UNC5D: variants seen among roughly 807,000 people sequenced by gnomAD.
UNC5D encodes the protein unc-5 netrin receptor D.
Under a neutral mutation model 105.4 loss-of-function variants are expected in UNC5D, and 39 were observed. The observed-to-expected ratio is 0.37, with a 90% confidence interval of 0.29 to 0.48. The LOEUF (loss-of-function observed/expected upper bound fraction) is 0.48. Ranked by LOEUF, UNC5D falls within the 20% of genes least tolerant of loss-of-function variation. The pLI is 0.98. For missense variants in UNC5D, 991 were observed against 1,202.4 expected, an observed-to-expected ratio of 0.82 and a Z score of 2.60; for synonymous variants, 452 against 450.4, an observed-to-expected ratio of 1.00 and a Z score of -0.04.
chr8:35,262,949 A>G (rs1804589142), intron 1 of UNC5D, among the ~76,000 whole-genome samples: 1 of 152,158 alleles, frequency 6.6e-6, no homozygotes, highest in South Asian at 2.1e-4. Context: ...CCAAAAAGCA[A>G]CAGTAGTTCC....
chr8:35,279,998 T>G (rs1045029325), intron 1 of UNC5D, among the ~76,000 whole-genome samples: 1 of 152,160 alleles, frequency 6.6e-6, no homozygotes, highest in Non-Finnish European at 1.5e-5. Flanking sequence ...ACTTTCTTTC[T>G]TTCTTTCTTT....
intron 15 of UNC5D, 21 bp from the exon 16 acceptor site, chr8:35,774,278 C>T (rs369100742): frequency 1.1e-5 from 18 of 1,613,238 alleles, no homozygotes; most frequent in African/African-American, 1.1e-4. Flanking sequence ...TCTGATCATG[C>T]GTTCCTTATT....
In UNC5D at chr8:35,794,981, C is replaced by G. The variant is rs570006854; in HGVS notation, c.*4418C>G. The G allele has an allele frequency of 6.6e-6, 1 of 152,294 alleles. No homozygotes were observed. The highest frequency in any genetic ancestry group is 2.1e-4 in the South Asian group (1 of 4,828). 9.4% of individuals were successfully genotyped at this position (152,294 alleles called of 1,614,324 possible). A position where few individuals can be genotyped will look rare whatever the true frequency, so the allele number is the denominator to read the frequency against. ...AATTGTGGTTTTTGAAGCAGCTACTCATTGCTTTTTCCTTTTGCTGTGAAG... is the reference window on the plus strand; with the variant it reads ...AATTGTGGTTTTTGAAGCAGCTACTGATTGCTTTTTCCTTTTGCTGTGAAG... On this transcript the variant is annotated 3_prime_UTR_variant, in exon 17 of 17. Transcript: ENST00000404895.
chr8:35,327,095 T>C (rs1227672512), intron 1 of UNC5D, among the ~76,000 whole-genome samples: 1 of 152,108 alleles, frequency 6.6e-6, no homozygotes, highest in Non-Finnish European at 1.5e-5. Flanking sequence ...GCACCGAGGG[T>C]ACATTGCCTT....
At chr8:35,630,052 C>T (rs544899269) in intron 4 of UNC5D, among the ~76,000 whole-genome samples, 165 of 152,206 alleles carry the variant, frequency 1.1e-3, no homozygotes, top group African/African-American at 3.6e-3. Context: ...TTGATATTTA[C>T]GCATGGAAAA....
At chr8:35,782,186 G>C (rs537118838) in intron 16 of UNC5D, among the ~76,000 whole-genome samples, 87 of 152,296 alleles carry the variant, frequency 5.7e-4, no homozygotes, top group African/African-American at 1.9e-3. Flanking sequence ...TGAAATTCAA[G>C]TTTGGGGATG....
chr8:35,750,546 T>G, intron 12 of UNC5D, 36 bp from the exon 13 acceptor site: 2 of 1,598,550 alleles, frequency 1.3e-6, no homozygotes, highest in Non-Finnish European at 1.7e-6. Flanking sequence ...CACATCTTAT[T>G]TCCAAGTGAG....
chr8:35,241,286 G>A (rs1319616225), intron 1 of UNC5D, among the ~76,000 whole-genome samples: 5 of 152,216 alleles, frequency 3.3e-5, no homozygotes, highest in Admixed American at 6.5e-5. Context: ...CACGCTGTGC[G>A]TAGATAATTT....
intron 1 of UNC5D, among the ~76,000 whole-genome samples, chr8:35,371,931 G>A (rs758207222): frequency 1.1e-4 from 16 of 152,246 alleles, no homozygotes; most frequent in East Asian, 3.9e-4. Flanking sequence ...GCAATGAACC[G>A]TTGTCTAATT....
At chr8:35,370,718 GT>G (rs1316111250) in intron 1 of UNC5D, among the ~76,000 whole-genome samples, 1 of 152,124 alleles carries the variant, frequency 6.6e-6, no homozygotes, top group Non-Finnish European at 1.5e-5. Context: ...TATTCTGTTT[GT>G]TGGTATGGAG....
At chr8:35,767,715 A>G (rs1801835872) in intron 15 of UNC5D, among the ~76,000 whole-genome samples, 1 of 152,246 alleles carries the variant, frequency 6.6e-6, no homozygotes, top group African/African-American at 2.4e-5. Context: ...GTCCAGGTCA[A>G]ATCAGTATTG....
intron 1 of UNC5D, among the ~76,000 whole-genome samples, chr8:35,367,100 T>C (rs1802161371): frequency 6.6e-6 from 1 of 152,210 alleles, no homozygotes; most frequent in South Asian, 2.1e-4. Context: ...ACCTCTCATA[T>C]GCTGCTGTTC....
At chr8:35,447,048 G>A (rs1807843308) in intron 1 of UNC5D, among the ~76,000 whole-genome samples, 1 of 152,000 alleles carries the variant, frequency 6.6e-6, no homozygotes, top group Admixed American at 6.6e-5. Flanking sequence ...TCAGAGCTAA[G>A]AGTGAGCATT....
chr8:35,589,392 TGTGGAGCTCTCATC>T (rs1182585336), intron 3 of UNC5D, among the ~76,000 whole-genome samples: 1 of 151,382 alleles, frequency 6.6e-6, no homozygotes, highest in African/African-American at 2.4e-5. Flanking sequence ...TCCATTTTTC[TGTGGAGCTCTCATC>T]TTTTTTTTTT....
intron 1 of UNC5D, among the ~76,000 whole-genome samples, chr8:35,490,990 T>G (rs1440761121): frequency 6.6e-6 from 1 of 152,144 alleles, no homozygotes; most frequent in Non-Finnish European, 1.5e-5. Context: ...TCTTCTTCAC[T>G]GTGTACTTAA....
rs939968696 is a variant in UNC5D at position 35,792,704 on chromosome 8, T to C, written c.*2141T>C. The C allele has an allele frequency of 8.2e-6, 2 of 243,688 alleles. No homozygotes were observed. Among genetic ancestry groups the C allele is most frequent in the Admixed American group, 5.5e-5 (1 of 18,288 alleles). 15.1% of individuals were successfully genotyped at this position (243,688 alleles called of 1,614,324 possible). On this transcript the variant is annotated 3_prime_UTR_variant, in exon 17 of 17. Transcript: ENST00000404895. ...GTAAAAACTTGTAGAAAGCACATTATAGAGCTTATGTTGGAATCCATCTTG... is the reference window on the plus strand; with the variant it reads ...GTAAAAACTTGTAGAAAGCACATTACAGAGCTTATGTTGGAATCCATCTTG...
chr8:35,266,527 A>C (rs1462824026), intron 1 of UNC5D, among the ~76,000 whole-genome samples: 1 of 152,210 alleles, frequency 6.6e-6, no homozygotes, highest in Non-Finnish European at 1.5e-5. Flanking sequence ...TGTGAAGTAC[A>C]TAAAGGTCTA....
chr8:35,362,893 A>T (rs1801928473), intron 1 of UNC5D, among the ~76,000 whole-genome samples: 2 of 152,176 alleles, frequency 1.3e-5, no homozygotes, highest in South Asian at 4.1e-4. Context: ...AACCTTAATT[A>T]TAAAAATAGG....
chr8:35,416,767 A>C (rs1328107366), intron 1 of UNC5D, among the ~76,000 whole-genome samples: 1 of 152,160 alleles, frequency 6.6e-6, no homozygotes, highest in African/African-American at 2.4e-5. Flanking sequence ...ACAATTTTGC[A>C]TCAGTTGCAG....
Sources: gnomAD v4.1 joint callset for allele counts (sites outside exome capture counted in the v4.1 genomes callset) on GRCh38, gnomAD v4.1.1 for gene constraint, MANE v1.5 for transcripts, NCBI Gene and HGNC (gene_info 2026-07-23, HGNC 2026-07-21) for gene names.